Variants in C19orf47 observed in about 807,000 individuals in gnomAD.
The protein encoded by C19orf47 is chromosome 19 open reading frame 47.
In C19orf47, 18 loss-of-function variants were observed where a neutral mutation model predicts 32.3. The observed-to-expected ratio is 0.56, with a 90% confidence interval of 0.39 to 0.83. The LOEUF is 0.83. C19orf47 is among the 40% of genes least tolerant of loss of function. The probability of loss-of-function intolerance (pLI) is 0.00; values close to 1 mark genes in which losing one functional copy is unlikely to be tolerated. For synonymous variants in C19orf47, 202 were observed against 211.1 expected (o/e 0.96, Z 0.37); for missense variants, 484 against 531.6 (o/e 0.91, Z 0.88).
At chr19:40,337,320 T>TTATTATTAC (rs1316591626) in intron 2 of C19orf47, among the ~76,000 whole-genome samples, 1 of 149,324 alleles carries the variant, frequency 6.7e-6, no homozygotes, top group Non-Finnish European at 1.5e-5. Flanking sequence ...ATTATTATTA[T>TTATTATTAC]TACTATTACT....
In C19orf47 at chr19:40,328,426, A is replaced by T; in HGVS notation, c.426T>A (p.Ser142Arg). Residue 142 changes from serine (S) to arginine (R), a missense_variant, in exon 6 of 9, where the codon AGT (serine) becomes AGA (arginine). Physicochemically the swap from Ser to Arg is moderately radical, Grantham distance 110 (BLOSUM62 -1). Transcript: ENST00000683109. The part of the protein sequence containing the change: ...VTVSNKMAAK[S>R]AKATAALARR... The stretch of plus-strand genomic sequence containing the variant: ...ATGTTCCCTCACCAGTGGCCTTGGC[A>T]CTCTTTGCTGCCATCTTGTTGGACA... The T allele has an allele frequency of 6.2e-7, 1 of 1,611,618 alleles. No individual in the cohort carries two copies. The highest frequency in any genetic ancestry group is 8.5e-7 in the Non-Finnish European group (1 of 1,179,130).
the C19orf47 span, among the ~76,000 whole-genome samples, chr19:40,300,430 A>T: frequency 6.6e-6 from 1 of 152,110 alleles, no homozygotes; most frequent in Non-Finnish European, 1.5e-5. Flanking sequence ...GCACCACTGC[A>T]TTCCAGCCTG....
At chr19:40,312,894 T>C in the C19orf47 span, among the ~76,000 whole-genome samples, 2 of 152,190 alleles carry the variant, frequency 1.3e-5, no homozygotes, top group African/African-American at 4.8e-5. Flanking sequence ...AGTGATGCAT[T>C]AGGTAACTGG....
At chr19:40,332,686 A>G (rs1393958911) in intron 5 of C19orf47, 1 of 152,050 alleles carries the variant, frequency 6.6e-6, no homozygotes, top group African/African-American at 2.4e-5. Context: ...AATACAGTCA[A>G]TACTCATCAT....
At chr19:40,310,583 T>C in the C19orf47 span, among the ~76,000 whole-genome samples, 4 of 152,202 alleles carry the variant, frequency 2.6e-5, no homozygotes, top group Non-Finnish European at 4.4e-5. Context: ...CCCAGCCGAA[T>C]TGTTCACTTT....
intron 8 of C19orf47, among the ~76,000 whole-genome samples, chr19:40,323,171 T>C (rs979326038): frequency 2.0e-5 from 3 of 152,182 alleles, no homozygotes; most frequent in African/African-American, 7.2e-5. Context: ...GGTAAGATTC[T>C]TGGAAGTGAG....
chr19:40,339,983 A>C (rs1600212078), intron 2 of C19orf47, among the ~76,000 whole-genome samples: 1 of 151,252 alleles, frequency 6.6e-6, no homozygotes, highest in Non-Finnish European at 1.5e-5. Flanking sequence ...CTCAAAACAA[A>C]AAAAAAAAAA....
intron 8 of C19orf47, among the ~76,000 whole-genome samples, chr19:40,323,121 C>A (rs1432039935): frequency 2.0e-5 from 3 of 152,244 alleles, no homozygotes; most frequent in Non-Finnish European, 4.4e-5. Context: ...AGGGCTGGAA[C>A]TTCCAGCCAC....
chr19:40,341,191 G>GGGC (rs1356022951), intron 2 of C19orf47, among the ~76,000 whole-genome samples: 1 of 151,674 alleles, frequency 6.6e-6, no homozygotes, highest in African/African-American at 2.4e-5. Flanking sequence ...AAAATTAGCT[G>GGGC]GGCGTGGTGG....
At chr19:40,300,445 A>G in the C19orf47 span, among the ~76,000 whole-genome samples, 5 of 152,110 alleles carry the variant, frequency 3.3e-5, no homozygotes, top group African/African-American at 9.7e-5. Context: ...AGCCTGGGCG[A>G]CACAGCTAGA....
downstream of C19orf47, among the ~76,000 whole-genome samples, chr19:40,318,434 C>T (rs2077677985): frequency 1.3e-5 from 2 of 152,026 alleles, no homozygotes. Flanking sequence ...GGTAAATTAC[C>T]TATATATGTT....
chr19:40,335,753 G>A (rs1009196077), intron 4 of C19orf47, among the ~76,000 whole-genome samples: 1 of 152,118 alleles, frequency 6.6e-6, no homozygotes, highest in Non-Finnish European at 1.5e-5. Context: ...GGGACTACAG[G>A]TGCCCGCCAC....
chr19:40,312,523 C>A, the C19orf47 span, among the ~76,000 whole-genome samples: 1 of 150,966 alleles, frequency 6.6e-6, no homozygotes, highest in African/African-American at 2.4e-5. Context: ...CCAGCCTGGG[C>A]GACAGAGCGA....
intron 2 of C19orf47, among the ~76,000 whole-genome samples, chr19:40,341,095 A>AG (rs2078168671): frequency 6.6e-6 from 1 of 151,836 alleles, no homozygotes. Flanking sequence ...GCACTTAGGG[A>AG]GGCCAAAGAG....
At chr19:40,312,344 G>A in the C19orf47 span, among the ~76,000 whole-genome samples, 1 of 152,110 alleles carries the variant, frequency 6.6e-6, no homozygotes, top group Non-Finnish European at 1.5e-5. Context: ...TCGAGATCGA[G>A]ACTATCCTGG....
At chr19:40,335,376 A>C (rs2078041591) in intron 4 of C19orf47, among the ~76,000 whole-genome samples, 1 of 152,190 alleles carries the variant, frequency 6.6e-6, no homozygotes, top group South Asian at 2.1e-4. Flanking sequence ...GAAAATGTGA[A>C]GCAGCAATAA....
intron 1 of C19orf47, among the ~76,000 whole-genome samples, chr19:40,344,907 G>A (rs1033169391): frequency 1.3e-5 from 2 of 152,054 alleles, no homozygotes; most frequent in Non-Finnish European, 2.9e-5. Flanking sequence ...GCAAAAGGCT[G>A]GGCACAGTGG....
downstream of C19orf47, among the ~76,000 whole-genome samples, chr19:40,316,009 AAG>A (rs201817186): frequency 6.0e-5 from 9 of 151,240 alleles, no homozygotes; most frequent in African/African-American, 1.5e-4. Flanking sequence ...CAAAAAAAAA[AAG>A]AGAGAGAGAG....
At chr19:40,313,023 A>G in the C19orf47 span, among the ~76,000 whole-genome samples, 2 of 152,294 alleles carry the variant, frequency 1.3e-5, no homozygotes, top group South Asian at 4.1e-4. Flanking sequence ...TGTACGTGGA[A>G]GTTTCTCCAG....
Sources: gnomAD v4.1 joint callset for allele counts (sites outside exome capture counted in the v4.1 genomes callset) on GRCh38, gnomAD v4.1.1 for gene constraint, MANE v1.5 for transcripts, NCBI Gene and HGNC (gene_info 2026-07-23, HGNC 2026-07-21) for gene names.